Variants in UNC5C observed in about 807,000 individuals in gnomAD.
The protein encoded by UNC5C is unc-5 netrin receptor C.
UNC5C carries 47 observed loss-of-function variants against 99.8 expected under a neutral mutation model. The ratio of observed to expected loss-of-function variants is 0.47; its 90% CI spans 0.37 to 0.60. UNC5C has a LOEUF of 0.60. UNC5C is among the 20% of genes least tolerant of loss of function. UNC5C has a pLI of 0.00. For missense variants in UNC5C, 1,062 were observed against 1,165.9 expected (o/e 0.91, Z 1.30); for synonymous variants, 487 against 452.2 (o/e 1.08, Z -0.98).
chr4:95,519,764 C>T (rs999235198), intron 1 of UNC5C, among the ~76,000 whole-genome samples: 1 of 152,132 alleles, frequency 6.6e-6, no homozygotes, highest in Non-Finnish European at 1.5e-5. Flanking sequence ...TATGGATTTC[C>T]CATTTCTCCC....
chr4:95,448,679 T>C (rs766187962), intron 1 of UNC5C, among the ~76,000 whole-genome samples: 8 of 152,124 alleles, frequency 5.3e-5, no homozygotes, highest in Non-Finnish European at 1.0e-4. Context: ...CTTTAATAAA[T>C]TGAATTACAA....
intron 4 of UNC5C, among the ~76,000 whole-genome samples, chr4:95,262,308 A>G (rs184191915): frequency 2.0e-5 from 3 of 152,342 alleles, no homozygotes; most frequent in Non-Finnish European, 4.4e-5. Context: ...ACAGATCGCT[A>G]TGTAATTTTT....
rs188829586 is a variant in UNC5C at position 95,424,820 on chromosome 4, C to G, written c.125-89189G>C. On this transcript the variant is annotated intron_variant, in intron 1 of 15. Transcript: ENST00000453304. The stretch of plus-strand genomic sequence containing the variant: ...TTACAGGAGTGAGCCACCGCACCCG[C>G]CCCAGATTTTTTATAGATGAGGAAA... Among the ~76,000 whole-genome samples the G allele has an allele frequency of 3.6e-3, 542 of 151,802 alleles. 11 individuals carry two copies. Among genetic ancestry groups the G allele is most frequent in the African/African-American group, 0.012 (506 of 41,416 alleles).
chr4:95,467,629 A>G (rs1747826359), intron 1 of UNC5C, among the ~76,000 whole-genome samples: 1 of 152,144 alleles, frequency 6.6e-6, no homozygotes, highest in Non-Finnish European at 1.5e-5. Context: ...CACTGCATAA[A>G]AGTATTGATT....
At chr4:95,519,944 C>G (rs144097001) in intron 1 of UNC5C, among the ~76,000 whole-genome samples, 186 of 152,324 alleles carry the variant, frequency 1.2e-3, no homozygotes, top group African/African-American at 4.1e-3. Context: ...GTCATTAACC[C>G]AGACATTCAG....
intron 11 of UNC5C, among the ~76,000 whole-genome samples, chr4:95,206,242 G>A (rs1051597860): frequency 5.9e-5 from 9 of 151,588 alleles, no homozygotes; most frequent in Non-Finnish European, 1.2e-4. Context: ...CTCATGATCC[G>A]CCTGCATTGG....
intron 7 of UNC5C, among the ~76,000 whole-genome samples, chr4:95,228,574 A>T (rs1205446689): frequency 6.6e-6 from 1 of 152,212 alleles, no homozygotes; most frequent in Non-Finnish European, 1.5e-5. Context: ...CTAACATTAT[A>T]AAGCTGGTGA....
intron 1 of UNC5C, among the ~76,000 whole-genome samples, chr4:95,420,212 T>C (rs1184158394): frequency 1.3e-5 from 2 of 152,174 alleles, no homozygotes; most frequent in South Asian, 2.1e-4. Flanking sequence ...CAAAATATGA[T>C]GAAAGCTCAT....
chr4:95,301,164 T>C (rs1226274804), intron 3 of UNC5C, among the ~76,000 whole-genome samples: 2 of 150,778 alleles, frequency 1.3e-5, no homozygotes, highest in Admixed American at 1.3e-4. Flanking sequence ...GTGGCTCAAA[T>C]GCAGAAATCT....
At chr4:95,246,955 TCATTTGAA>T (rs1389059524) in intron 5 of UNC5C, among the ~76,000 whole-genome samples, 1 of 151,738 alleles carries the variant, frequency 6.6e-6, no homozygotes, top group Non-Finnish European at 1.5e-5. Flanking sequence ...GGAGGGAGGA[TCATTTGAA>T]CTCAGGAGAC....
intron 1 of UNC5C, among the ~76,000 whole-genome samples, chr4:95,460,698 C>T (rs540425118): frequency 2.0e-5 from 3 of 152,324 alleles, no homozygotes; most frequent in African/African-American, 7.2e-5. Context: ...TACCCAGTCT[C>T]AGGTATGTCT....
chr4:95,206,491 C>T lies in UNC5C; in HGVS notation c.1902+137G>A, dbSNP rs1737880872. 6 of 1,252,924 alleles carry T rather than the reference C, an allele frequency of 4.8e-6. No individual in the cohort carries two copies. The Admixed American group carries it at 8.9e-5, about 19-fold the overall frequency. The allele number at this position is 1,252,924 out of a possible 1,614,324, so 77.6% of individuals were successfully genotyped here. On this transcript the variant is annotated intron_variant, in intron 11 of 15. Transcript: ENST00000453304. ...AACACTCAGGAACTAGTCTGCCTGC[C>T]TGTTTCTCTCTCATTTTGAGGGTGA...
In UNC5C at chr4:95,315,073, T is replaced by C. The variant is rs117691267; in HGVS notation, c.347-13324A>G. On this transcript the variant is annotated intron_variant, in intron 2 of 15. Coordinates refer to ENST00000453304, the MANE Select transcript of UNC5C (RefSeq NM_003728.4). ...AAATTAAAAATAAATTTTAATTGTT[T>C]GGAGGTAAGCATTGGATCATGGTAA... 6.6e-5 allele frequency among the ~76,000 whole-genome samples: 10 copies of C among 152,282 alleles called. No homozygotes were observed. In the East Asian group the frequency reaches 1.7e-3, roughly 26 times the overall value.
intron 7 of UNC5C, among the ~76,000 whole-genome samples, chr4:95,223,950 TA>T (rs1738572083): frequency 6.6e-6 from 1 of 152,150 alleles, no homozygotes; most frequent in African/African-American, 2.4e-5. Context: ...AAGGCATGTT[TA>T]CAAATGCTAT....
chr4:95,203,550 AC>A (rs1331981354), intron 11 of UNC5C, among the ~76,000 whole-genome samples: 6 of 152,092 alleles, frequency 3.9e-5, no homozygotes, highest in African/African-American at 1.4e-4. Flanking sequence ...GCCCACTGCA[AC>A]CTCCGTCCCC....
In UNC5C at chr4:95,325,016, T is replaced by C. The variant is rs939245587; in HGVS notation, c.346+10394A>G. ...TGGCTGCAAAGCTTTTGTTTTCTTG[T>C]TTTCCAAAATAACATCTATTAAGAA... On this transcript the variant is annotated intron_variant, in intron 2 of 15. Transcript: ENST00000453304. 4.4e-4 allele frequency among the ~76,000 whole-genome samples: 67 copies of C among 152,348 alleles called. 1 individual carries two copies. The highest frequency in any genetic ancestry group is 1.6e-3 in the African/African-American group (67 of 41,590).
chr4:95,344,678 C>T (rs1048718490), intron 1 of UNC5C, among the ~76,000 whole-genome samples: 1 of 151,862 alleles, frequency 6.6e-6, no homozygotes, highest in South Asian at 2.1e-4. Context: ...ATAGAAACAA[C>T]AAAAAGTTAA....
At chr4:95,448,374 G>C (rs960266066) in intron 1 of UNC5C, among the ~76,000 whole-genome samples, 5 of 151,938 alleles carry the variant, frequency 3.3e-5, no homozygotes, top group African/African-American at 7.3e-5. Context: ...CAACCCATAC[G>C]ACCCCTCTGG....
At chr4:95,542,018 A>G (rs770694599) in intron 1 of UNC5C, among the ~76,000 whole-genome samples, 20 of 152,128 alleles carry the variant, frequency 1.3e-4, no homozygotes, top group Admixed American at 2.6e-4. Flanking sequence ...AGGCATTTTT[A>G]TAGCTCTCAT....
Sources: allele counts gnomAD v4.1 joint callset (sites outside exome capture counted in the v4.1 genomes callset), GRCh38; gene constraint gnomAD v4.1.1; transcripts MANE v1.5; gene names NCBI Gene and HGNC (gene_info 2026-07-23, HGNC 2026-07-21).